ELAVL2: variants seen among roughly 807,000 people sequenced by gnomAD.
ELAVL2 encodes the protein ELAV-like protein 2.
Under a neutral mutation model 34.6 loss-of-function variants are expected in ELAVL2, and 4 were observed. That is an observed-to-expected ratio of 0.12 (90% CI 0.06 to 0.26). The LOEUF (loss-of-function observed/expected upper bound fraction) is 0.26. Among genes scored for constraint, ELAVL2 ranks in the 10% least tolerant of loss-of-function variants. The pLI, the probability that ELAVL2 is intolerant of heterozygous loss-of-function variation, is 1.00. For missense variants in ELAVL2, 432 were observed against 442.8 expected (o/e 0.98, Z 0.22); for synonymous variants, 193 against 154.8 (o/e 1.25, Z -1.83).
intron 2 of ELAVL2, among the ~76,000 whole-genome samples, chr9:23,738,604 C>T (rs1032966408): frequency 9.9e-5 from 15 of 152,210 alleles, no homozygotes; most frequent in African/African-American, 3.6e-4. Flanking sequence ...ATGGCTCACT[C>T]GAAGACTCAT....
intron 1 of ELAVL2, among the ~76,000 whole-genome samples, chr9:23,791,106 T>C (rs2060269613): frequency 6.6e-6 from 1 of 152,202 alleles, no homozygotes; most frequent in East Asian, 1.9e-4. Flanking sequence ...ACTATAAAAC[T>C]GAAGAGGTTA....
rs1267914799 is a variant in ELAVL2, at chr9:23,708,486, G to C, written c.334-3415C>G. On this transcript the variant is annotated intron_variant, in intron 3 of 6. Transcript: ENST00000397312. ...TTCTGTGTCCTGGTCTCCTCATCCA[G>C]TTTTCCTTCAATAATACTATGGTAA... Among the ~76,000 whole-genome samples, 7 of 152,190 alleles carry C rather than the reference G, an allele frequency of 4.6e-5. No individual in the cohort carries two copies. The East Asian group carries it at 1.4e-3, about 29-fold the overall frequency.
At chr9:23,847,727 T>C in the ELAVL2 span, among the ~76,000 whole-genome samples, 11 of 152,118 alleles carry the variant, frequency 7.2e-5, no homozygotes, top group South Asian at 8.3e-4. Context: ...AAACCTAAAA[T>C]TGGCACAGAA....
intron 3 of ELAVL2, among the ~76,000 whole-genome samples, chr9:23,730,128 A>C (rs1408777678): frequency 6.6e-6 from 1 of 152,138 alleles, no homozygotes; most frequent in Non-Finnish European, 1.5e-5. Context: ...CAATGTCTGC[A>C]CTGGGCAGGA....
chr9:23,717,741 C>CT (rs2042680327), intron 3 of ELAVL2, among the ~76,000 whole-genome samples: 1 of 152,172 alleles, frequency 6.6e-6, no homozygotes, highest in Admixed American at 6.5e-5. Context: ...GTCATATAAA[C>CT]TAAGTGCTGT....
At chr9:23,759,682 T>G (rs1355121186) in intron 2 of ELAVL2, among the ~76,000 whole-genome samples, 1 of 147,894 alleles carries the variant, frequency 6.8e-6, no homozygotes, top group African/African-American at 2.5e-5. Flanking sequence ...AATTATGTGT[T>G]AACTATATAC....
intron 3 of ELAVL2, among the ~76,000 whole-genome samples, chr9:23,719,616 T>C (rs1037709871): frequency 6.6e-6 from 1 of 152,164 alleles, no homozygotes; most frequent in Non-Finnish European, 1.5e-5. Context: ...AAAGGGTTTC[T>C]AAATTAAGTT....
chr9:23,729,484 G>A (rs1261764335), intron 3 of ELAVL2, among the ~76,000 whole-genome samples: 1 of 152,116 alleles, frequency 6.6e-6, no homozygotes, highest in Non-Finnish European at 1.5e-5. Context: ...GACACAGAAA[G>A]TATGCAGAGA....
intron 1 of ELAVL2, among the ~76,000 whole-genome samples, chr9:23,799,033 G>C (rs529200601): frequency 2.4e-4 from 37 of 152,232 alleles, no homozygotes; most frequent in Admixed American, 7.2e-4. Flanking sequence ...TAAAGTGAAG[G>C]ATGGAAGAAC....
chr9:23,732,506 A>G (rs2046828396), intron 2 of ELAVL2, among the ~76,000 whole-genome samples: 1 of 152,208 alleles, frequency 6.6e-6, no homozygotes, highest in Non-Finnish European at 1.5e-5. Flanking sequence ...TTTATTTTAC[A>G]GTTCTAGTAA....
chr9:23,840,924 A>G, the ELAVL2 span, among the ~76,000 whole-genome samples: 1 of 152,176 alleles, frequency 6.6e-6, no homozygotes, highest in Non-Finnish European at 1.5e-5. Context: ...GTTAAGAAAA[A>G]AAACTATCAG....
At chr9:23,768,009 T>C (rs1356287324) in intron 1 of ELAVL2, among the ~76,000 whole-genome samples, 1 of 152,128 alleles carries the variant, frequency 6.6e-6, no homozygotes, top group Non-Finnish European at 1.5e-5. Flanking sequence ...CATCCTGACC[T>C]GGGCTCTCAT....
At chr9:23,693,523 T>A in intron 5 of ELAVL2, 37 bp from the exon 6 acceptor site, 2 of 1,613,600 alleles carry the variant, frequency 1.2e-6, no homozygotes, top group South Asian at 2.2e-5. Context: ...CAGTTTTTAA[T>A]TTTTCCCCTT....
intron 1 of ELAVL2, among the ~76,000 whole-genome samples, chr9:23,766,106 AT>A (rs1247735402): frequency 2.6e-5 from 4 of 152,190 alleles, no homozygotes; most frequent in Non-Finnish European, 5.9e-5. Flanking sequence ...AATTATAAAA[AT>A]TTTATCCTGA....
chr9:23,811,388 T>A (rs924941001), intron 1 of ELAVL2, among the ~76,000 whole-genome samples: 1 of 150,648 alleles, frequency 6.6e-6, no homozygotes, highest in Non-Finnish European at 1.5e-5. Context: ...AGAAAAGCAG[T>A]GGCCAGGCCT....
At chr9:23,843,338 G>A in the ELAVL2 span, among the ~76,000 whole-genome samples, 2 of 152,036 alleles carry the variant, frequency 1.3e-5, no homozygotes, top group African/African-American at 2.4e-5. Context: ...GAGGGAATAA[G>A]CTAAACTGTA....
At chr9:23,702,974 A>AAAAAAAAAAAAAAC (rs1554663987) in intron 4 of ELAVL2, among the ~76,000 whole-genome samples, 25 of 139,296 alleles carry the variant, frequency 1.8e-4, no homozygotes, top group Non-Finnish European at 2.9e-4. Context: ...AAAAAAAAAA[A>AAAAAAAAAAAAAAC]AAAAAAACAG....
the ELAVL2 span, among the ~76,000 whole-genome samples, chr9:23,840,281 C>G: frequency 2.0e-5 from 3 of 152,212 alleles, no homozygotes; most frequent in African/African-American, 7.2e-5. Context: ...CCCAGTGATT[C>G]TCACACATGG....
At chr9:23,722,070 A>G (rs2043872551) in intron 3 of ELAVL2, among the ~76,000 whole-genome samples, 1 of 152,206 alleles carries the variant, frequency 6.6e-6, no homozygotes, top group Non-Finnish European at 1.5e-5. Flanking sequence ...TCTGGAAATA[A>G]AACATCCACA....
Sources: gnomAD v4.1 joint callset for allele counts (sites outside exome capture counted in the v4.1 genomes callset) on GRCh38, gnomAD v4.1.1 for gene constraint, MANE v1.5 for transcripts, NCBI Gene and HGNC (gene_info 2026-07-23, HGNC 2026-07-21) for gene names.